The following ARG1 variants were observed in gnomAD, a reference collection of about 807,000 sequenced individuals.
The protein encoded by ARG1 is arginase-1.
Under a neutral mutation model 33.0 loss-of-function variants are expected in ARG1, and 20 were observed. The observed-to-expected ratio is 0.61, with a 90% CI of 0.43 to 0.88. ARG1 has a LOEUF of 0.88. Ranked by LOEUF, ARG1 falls within the 40% of genes least tolerant of loss-of-function variation. The probability of loss-of-function intolerance (pLI) is 0.00; values close to 1 mark genes in which losing one functional copy is unlikely to be tolerated. For missense variants in ARG1, 374 were observed against 384.7 expected (o/e 0.97, Z 0.23); for synonymous variants, 146 against 140.6 (o/e 1.04, Z -0.27).
intron 7 of ARG1, 106 bp downstream of exon 7, chr6:131,583,597 C>A: frequency 6.5e-7 from 1 of 1,530,524 alleles, no homozygotes; most frequent in Non-Finnish European, 9.0e-7. Flanking sequence ...TTCAGAATGT[C>A]CATCAGTCAC....
intron 1 of ARG1, chr6:131,573,863 G>A (rs1773487661): frequency 8.6e-6 from 2 of 231,588 alleles, no homozygotes; most frequent in Non-Finnish European, 8.6e-6. Context: ...GGGTTTTAAT[G>A]TTTCTATGAA....
In ARG1 at chr6:131,583,481, C is replaced by T. The variant is rs1279130152; in HGVS notation, c.792C>T (p.Ile264=). Residue 264 remains isoleucine (I), a synonymous_variant, in exon 7 of 8, where the codon ATC becomes ATT. Transcript: ENST00000368087. Reference sequence around the variant, plus strand: ...AAGGTCTCTACATCACAGAAGAAATCTACAAAACAGGTAGTTAACAATCTG... The same window carrying T: ...AAGGTCTCTACATCACAGAAGAAATTTACAAAACAGGTAGTTAACAATCTG... ...YREGLYITEE[I]YKTGLLSGLD... 3 of 1,614,046 alleles carry T rather than the reference C, an allele frequency of 1.9e-6. No individual in the cohort carries two copies. The highest frequency in any genetic ancestry group is 2.5e-6 in the Non-Finnish European group (3 of 1,179,972).
At chr6:131,581,163 G>A (rs1773900579) in intron 3 of ARG1, 56 bp from the exon 4 acceptor site, 2 of 1,553,668 alleles carry the variant, frequency 1.3e-6, no homozygotes, top group Non-Finnish European at 1.8e-6. Flanking sequence ...TGAATAATAT[G>A]ATGTATGTAG....
chr6:131,575,207 A>G (rs1773555978), intron 1 of ARG1, among the ~76,000 whole-genome samples: 1 of 152,208 alleles, frequency 6.6e-6, no homozygotes, highest in Non-Finnish European at 1.5e-5. Context: ...GTTCTAAAAT[A>G]TGAAAGGGAG....
rs115984549 is a variant in ARG1 at position 131,582,251 on chromosome 6, A to G, written c.466-370A>G. Among the ~76,000 whole-genome samples, 1,131 of 152,336 alleles carry G rather than the reference A, an allele frequency of 7.4e-3. 15 individuals are homozygous for G. Among genetic ancestry groups the G allele is most frequent in the African/African-American group, 0.025 (1,035 of 41,574 alleles). The stretch of plus-strand genomic sequence containing the variant: ...ATCACATTAAGAATAACCAAAGGAC[A>G]GGCCACAAATTTCCCTCAGCTGCTC... On this transcript the variant is annotated intron_variant, in intron 4 of 7. Coordinates refer to ENST00000368087, the MANE Select transcript of ARG1 (RefSeq NM_000045.4).
intron 4 of ARG1, among the ~76,000 whole-genome samples, chr6:131,581,851 T>G (rs1334134106): frequency 6.6e-6 from 1 of 152,198 alleles, no homozygotes; most frequent in Non-Finnish European, 1.5e-5. Context: ...GTTTATGAAC[T>G]AATGTATTTA....
intron 5 of ARG1, 152 bp from the exon 6 acceptor site, chr6:131,582,908 G>C (rs1774009046): frequency 1.3e-6 from 1 of 762,304 alleles, no homozygotes; most frequent in East Asian, 2.7e-5. Flanking sequence ...TTGACTTGCT[G>C]TTAAAAATAA....
At position 131,582,724 on chromosome 6, in the gene ARG1, A is replaced by T; in HGVS notation, c.560+9A>T. 1 of 1,612,334 alleles carries T rather than the reference A, an allele frequency of 6.2e-7. No homozygotes were observed. Among genetic ancestry groups the T allele is most frequent in the Non-Finnish European group, 8.5e-7 (1 of 1,178,488 alleles). ...GTGGACCCTGGGGAACAGTAAGCTT[A>T]TTCCTTGATGTGATTTGCCTCCATT... On this transcript the variant is annotated intron_variant, in intron 5 of 7. Transcript: ENST00000368087.
At chr6:131,579,558 A>G in intron 3 of ARG1, 1 of 316,908 alleles carries the variant, frequency 3.2e-6, no homozygotes, top group Non-Finnish European at 5.9e-6. Flanking sequence ...ACAAGCTTAC[A>G]TTTCTAAATA....
In ARG1 at chr6:131,579,272, G is replaced by T; in HGVS notation, c.292G>T (p.Gly98Cys). Residue 98 changes from glycine (G) to cysteine (C), a missense_variant, in exon 3 of 8, where the codon GGC (glycine) becomes TGC (cysteine). Gly to Cys is a radical substitution (Grantham distance 159). Coordinates refer to ENST00000368087, the MANE Select transcript of ARG1 (RefSeq NM_000045.4). The stretch of plus-strand genomic sequence containing the variant: ...GAACGGAAGAATCAGCCTGGTGCTG[G>T]GCGGAGACCACAGGTCTTGTTGAAT... ...KKNGRISLVLGGDHSLAIGSI... is the reference protein window; with the variant it reads ...KKNGRISLVLCGDHSLAIGSI... 1 of 1,614,030 alleles carries T rather than the reference G, an allele frequency of 6.2e-7. No individual in the cohort carries two copies. Among genetic ancestry groups the T allele is most frequent in the Non-Finnish European group, 8.5e-7 (1 of 1,179,996 alleles).
chr6:131,582,733 T>G lies in ARG1; in HGVS notation c.560+18T>G. On this transcript the variant is annotated intron_variant, in intron 5 of 7. Transcript: ENST00000368087. ...GGGGAACAGTAAGCTTATTCCTTGA[T>G]GTGATTTGCCTCCATTTTTGTCCCT... 6.2e-7 allele frequency: 1 copy of G among 1,610,268 alleles called. No homozygotes were observed. The highest frequency in any genetic ancestry group is 8.5e-7 in the Non-Finnish European group (1 of 1,176,608).
At chr6:131,574,245 C>T (rs772855821) in intron 1 of ARG1, 22 of 1,611,500 alleles carry the variant, frequency 1.4e-5, no homozygotes, top group Middle Eastern at 1.6e-4. Flanking sequence ...ATCTGGGCAG[C>T]GTTTTGCTTC....
rs1773785398 is a variant in ARG1, at chr6:131,579,156, CTAA to C, written c.178_180del (p.Asn60del). On this transcript the variant is annotated inframe_deletion, in exon 3 of 8. Transcript: ENST00000368087. The stretch of plus-strand genomic sequence containing the variant: ...GGGGACCTGCCCTTTGCTGACATCC[CTAA>C]TGACAGTCCCTTTCAAATTGTGAAG... 1.2e-6 allele frequency: 2 copies of C among 1,614,086 alleles called. No individual in the cohort carries two copies. Among genetic ancestry groups the C allele is most frequent in the Admixed American group, 1.7e-5 (1 of 60,006 alleles).
intron 2 of ARG1, 119 bp from the exon 3 acceptor site, chr6:131,578,992 G>T: frequency 8.4e-7 from 1 of 1,190,986 alleles, no homozygotes; most frequent in Non-Finnish European, 1.2e-6. Context: ...AGACCTTTCA[G>T]GTTTTTCCTT....
chr6:131,576,681 G>A lies in ARG1; in HGVS notation c.76G>A (p.Glu26Lys), dbSNP rs998513101. ...SKGQPRGGVE[E>K]GPTVLRKAGL... ...TGTTCAGCCACGAGGAGGGGTGGAA[G>A]AAGGCCCTACAGTATTGAGAAAGGC... The change falls in exon 2 of 8, where the codon GAA becomes AAA. Residue 26 changes from glutamate to lysine, a missense_variant. Transcript: ENST00000368087. 2 of 1,613,980 alleles carry A rather than the reference G, an allele frequency of 1.2e-6. No homozygotes were observed. Among genetic ancestry groups the A allele is most frequent in the African/African-American group, 2.7e-5 (2 of 74,924 alleles).
Position 131,583,753 on chromosome 6 carries a change from G to A in ARG1, c.814G>A (p.Gly272Arg). The A allele has an allele frequency of 1.2e-6, 2 of 1,613,918 alleles. No individual in the cohort carries two copies. Residue 272 changes from glycine to arginine, a missense_variant, in exon 8 of 8, where the codon GGA (glycine) becomes AGA (arginine). Transcript: ENST00000368087. ...EEIYKTGLLS[G>R]LDIMEVNPSL... Reference sequence around the variant, plus strand: ...ATTTGTTGTTGTAGGGCTACTCTCAGGATTAGATATAATGGAAGTGAACCC... The same window carrying A: ...ATTTGTTGTTGTAGGGCTACTCTCAAGATTAGATATAATGGAAGTGAACCC...
intron 1 of ARG1, among the ~76,000 whole-genome samples, chr6:131,574,731 G>T (rs1402064854): frequency 6.6e-6 from 1 of 152,134 alleles, no homozygotes; most frequent in Admixed American, 6.5e-5. Flanking sequence ...GAGGGCAGAT[G>T]ACTAAAATGT....
chr6:131,573,602 AT>A (rs1773477751), intron 1 of ARG1, among the ~76,000 whole-genome samples: 1 of 152,024 alleles, frequency 6.6e-6, no homozygotes, highest in Non-Finnish European at 1.5e-5. Flanking sequence ...AGGAGAAAAT[AT>A]TTTTCTTTGA....
chr6:131,577,871 C>G (rs1773698961), intron 2 of ARG1, among the ~76,000 whole-genome samples: 1 of 149,994 alleles, frequency 6.7e-6, no homozygotes, highest in African/African-American at 2.5e-5. Context: ...GCCACTGCAC[C>G]CCAACCTGGG....
Sources: allele counts gnomAD v4.1 joint callset (sites outside exome capture counted in the v4.1 genomes callset), GRCh38; gene constraint gnomAD v4.1.1; transcripts MANE v1.5; gene names NCBI Gene and HGNC (gene_info 2026-07-23, HGNC 2026-07-21).